VSNL1: variants seen among roughly 807,000 people sequenced by gnomAD.
VSNL1 encodes visinin like 1, also known as visinin-like protein 1.
In VSNL1, 6 loss-of-function variants were observed where a neutral mutation model predicts 20.4. The ratio of observed to expected loss-of-function variants is 0.29; its 90% CI spans 0.16 to 0.58. VSNL1 has a LOEUF of 0.58. VSNL1 is among the 20% of genes least tolerant of loss of function. The pLI is 0.90. For missense variants in VSNL1, 100 were observed against 234.5 expected (o/e 0.43, Z 3.75); for synonymous variants, 93 against 86.4 (o/e 1.08, Z -0.42).
chr2:17,644,451 T>C (rs1021411085), intron 2 of VSNL1, among the ~76,000 whole-genome samples: 1 of 152,102 alleles, frequency 6.6e-6, no homozygotes, highest in African/African-American at 2.4e-5. Context: ...GAGGGGCCCC[T>C]TAGGGAGCCT....
chr2:17,632,256 C>T (rs1190878330), intron 2 of VSNL1, among the ~76,000 whole-genome samples: 1 of 152,012 alleles, frequency 6.6e-6, no homozygotes, highest in Non-Finnish European at 1.5e-5. Flanking sequence ...AATCAATGAA[C>T]TCCTAGAACA....
rs1439705293 is a variant in VSNL1 at position 17,655,346 on chromosome 2, G to A, written c.528G>A (p.Lys176=). 6.2e-7 allele frequency: 1 copy of A among 1,614,036 alleles called. No individual in the cohort carries two copies. Among genetic ancestry groups the A allele is most frequent in the Admixed American group, 1.7e-5 (1 of 60,022 alleles). The change falls in exon 4 of 4, where the codon AAG becomes AAA. Residue 176 remains lysine, a synonymous_variant. Transcript: ENST00000295156. The surrounding 1 kb of genome is among the most constrained non-coding windows in gnomAD (Gnocchi z 5.2). ...ITLDEFKEAA[K]SDPSIVLLLQ... ...TGGATGAATTCAAAGAAGCTGCAAA[G>A]AGCGACCCTTCCATTGTATTACTTC...
At chr2:17,562,657 C>T (rs1057426160) in intron 1 of VSNL1, among the ~76,000 whole-genome samples, 4 of 152,076 alleles carry the variant, frequency 2.6e-5, no homozygotes, top group South Asian at 2.1e-4. Flanking sequence ...TACCTCTAAA[C>T]GTCGTGATTA....
At chr2:17,583,350 C>G (rs540446482) in intron 1 of VSNL1, among the ~76,000 whole-genome samples, 1 of 152,242 alleles carries the variant, frequency 6.6e-6, no homozygotes, top group Non-Finnish European at 1.5e-5. Flanking sequence ...GGGCCACAGT[C>G]CCTCCCCACT....
intron 3 of VSNL1, among the ~76,000 whole-genome samples, chr2:17,653,875 C>A (rs751313389): frequency 2.6e-5 from 4 of 152,194 alleles, no homozygotes; most frequent in African/African-American, 4.8e-5. Flanking sequence ...ATCCCTCATG[C>A]CCAAAGGCCC....
intron 2 of VSNL1, among the ~76,000 whole-genome samples, chr2:17,610,771 G>T (rs60589080): frequency 0.013 from 1,922 of 152,284 alleles, 56 homozygotes; most frequent in African/African-American, 0.044. Context: ...GATGACAGGG[G>T]CTTGGCTCTC....
At chr2:17,597,186 C>A (rs897512529) in intron 2 of VSNL1, among the ~76,000 whole-genome samples, 111 of 152,292 alleles carry the variant, frequency 7.3e-4, no homozygotes, top group Middle Eastern at 3.4e-3. Flanking sequence ...CTATTCCCAT[C>A]CTGGATTCTT....
intron 2 of VSNL1, among the ~76,000 whole-genome samples, chr2:17,643,022 G>C (rs1415222114): frequency 1.3e-5 from 2 of 152,046 alleles, no homozygotes; most frequent in Non-Finnish European, 2.9e-5. Context: ...GGGTGGGCGA[G>C]GGTGTCCTTA....
chr2:17,542,787 T>C (rs1663316346), intron 1 of VSNL1, among the ~76,000 whole-genome samples: 1 of 152,144 alleles, frequency 6.6e-6, no homozygotes, highest in South Asian at 2.1e-4. Context: ...TCAAAACTGA[T>C]AAATGCTTGG....
chr2:17,585,888 C>A (rs1664462391), intron 1 of VSNL1, among the ~76,000 whole-genome samples: 1 of 151,568 alleles, frequency 6.6e-6, no homozygotes, highest in Non-Finnish European at 1.5e-5. Context: ...TCACTGCAAC[C>A]TTCTCCACCT....
chr2:17,580,449 A>G (rs955097928), intron 1 of VSNL1, among the ~76,000 whole-genome samples: 4 of 151,954 alleles, frequency 2.6e-5, no homozygotes, highest in African/African-American at 9.7e-5. Flanking sequence ...AAGTTTTCCA[A>G]GCCTCCCAAA....
At chr2:17,589,204 G>T (rs1301646936) in intron 1 of VSNL1, among the ~76,000 whole-genome samples, 1 of 152,150 alleles carries the variant, frequency 6.6e-6, no homozygotes, top group Non-Finnish European at 1.5e-5. Context: ...CATATGCAGA[G>T]CCATGGAAGT....
rs991723733 is a variant in VSNL1, at chr2:17,654,717, T to C, written c.379-480T>C. Among the ~76,000 whole-genome samples the C allele has an allele frequency of 2.0e-5, 3 of 152,238 alleles. No individual in the cohort carries two copies. The East Asian group carries it at 5.8e-4, about 29-fold the overall frequency. ...ATAGCATTTAAGGACTTATTTGAAA[T>C]AAAGTTAAATTCTTTATCTTATCCT... On this transcript the variant is annotated intron_variant, in intron 3 of 3. Transcript: ENST00000295156.
intron 2 of VSNL1, among the ~76,000 whole-genome samples, chr2:17,641,262 G>A (rs1414446735): frequency 6.6e-6 from 1 of 152,212 alleles, no homozygotes; most frequent in East Asian, 1.9e-4. Flanking sequence ...ACTTCAGTTG[G>A]AGCGAGTGAA....
chr2:17,625,256 G>T (rs1206064679), intron 2 of VSNL1, among the ~76,000 whole-genome samples: 1 of 152,126 alleles, frequency 6.6e-6, no homozygotes, highest in Admixed American at 6.5e-5. Flanking sequence ...AAATTGCCCA[G>T]TCTCGAGTAT....
chr2:17,653,135 C>T (rs754581893), intron 3 of VSNL1, among the ~76,000 whole-genome samples: 3 of 152,280 alleles, frequency 2.0e-5, no homozygotes, highest in South Asian at 4.1e-4. Context: ...CACGGAGTTC[C>T]GAGTCTGGCA....
intron 2 of VSNL1, among the ~76,000 whole-genome samples, chr2:17,611,507 G>A (rs1342803158): frequency 2.0e-5 from 3 of 152,216 alleles, no homozygotes; most frequent in African/African-American, 7.2e-5. Flanking sequence ...CACTAAATGT[G>A]GGGTAGTGCA....
chr2:17,542,441 TC>T (rs1460560840), intron 1 of VSNL1, among the ~76,000 whole-genome samples: 1 of 152,152 alleles, frequency 6.6e-6, no homozygotes, highest in Admixed American at 6.5e-5. Context: ...AAATTTTCCC[TC>T]AAATCGGGTG....
chr2:17,624,384 T>C (rs1319285145), intron 2 of VSNL1, among the ~76,000 whole-genome samples: 1 of 152,188 alleles, frequency 6.6e-6, no homozygotes, highest in Non-Finnish European at 1.5e-5. Flanking sequence ...GTGTCCCCCC[T>C]TCACCCCAAG....
Sources: gnomAD v4.1 joint callset for allele counts (sites outside exome capture counted in the v4.1 genomes callset) on GRCh38, gnomAD v4.1.1 for gene constraint, Gnocchi (gnomAD v3.1) non-coding constraint, MANE v1.5 for transcripts, NCBI Gene and HGNC (gene_info 2026-07-23, HGNC 2026-07-21) for gene names.